Variants in SLC25A17 observed in about 807,000 individuals in gnomAD.
SLC25A17 encodes the protein solute carrier family 25 member 17.
Under a neutral mutation model 38.5 loss-of-function variants are expected in SLC25A17, and 26 were observed. The ratio of observed to expected loss-of-function variants is 0.68; its 90% CI spans 0.50 to 0.94. The LOEUF (loss-of-function observed/expected upper bound fraction) is 0.94. SLC25A17 is among the 40% of genes least tolerant of loss of function. The pLI is 0.00. For synonymous variants in SLC25A17, 139 were observed against 136.2 expected, an observed-to-expected ratio of 1.02 and a Z score of -0.14; for missense variants, 333 against 372.7, an observed-to-expected ratio of 0.89 and a Z score of 0.88.
At chr22:40,781,630 A>G (rs547683550) in intron 4 of SLC25A17, among the ~76,000 whole-genome samples, 6 of 152,318 alleles carry the variant, frequency 3.9e-5, no homozygotes, top group African/African-American at 1.2e-4. Flanking sequence ...TTGTAAGAAC[A>G]TTTGGTATTT....
intron 7 of SLC25A17, among the ~76,000 whole-genome samples, chr22:40,775,857 G>C (rs555310282): frequency 3.2e-4 from 49 of 152,288 alleles, no homozygotes; most frequent in South Asian, 2.1e-3. Flanking sequence ...CACCATGATT[G>C]TAAGTTTCCT....
chr22:40,785,256 C>T (rs1353101283), intron 4 of SLC25A17, among the ~76,000 whole-genome samples: 1 of 152,176 alleles, frequency 6.6e-6, no homozygotes, highest in African/African-American at 2.4e-5. Flanking sequence ...TGATGGCTTG[C>T]GCCTGTAGTC....
At chr22:40,784,653 A>G in intron 4 of SLC25A17, 1 of 173,258 alleles carries the variant, frequency 5.8e-6, no homozygotes, top group Non-Finnish European at 1.3e-5. Flanking sequence ...GCATCCCTGT[A>G]GTCCTAGCTA....
chr22:40,794,422 T>C (rs934762017), intron 3 of SLC25A17, 92 bp downstream of exon 3: 13 of 751,878 alleles, frequency 1.7e-5, no homozygotes, highest in Middle Eastern at 2.4e-4. Context: ...TAGAGTGCTG[T>C]GAGAAAGATA....
chr22:40,805,595 A>T (rs1311692692), intron 1 of SLC25A17, among the ~76,000 whole-genome samples: 2 of 152,210 alleles, frequency 1.3e-5, no homozygotes, highest in Admixed American at 6.5e-5. Flanking sequence ...GGCCACACAT[A>T]AAATATACTA....
In SLC25A17 at chr22:40,778,717, T is replaced by C. The variant is rs142926987; in HGVS notation, c.451+292A>G. ...AAAGCAATGGCAACAAAAGCCAAAA[T>C]AGACAAATGGGATCTAATTAAACTA... is the stretch of plus-strand genomic sequence containing the variant. On this transcript the variant is annotated intron_variant, in intron 5 of 8. Transcript: ENST00000435456. Among the ~76,000 whole-genome samples, 300 of 152,180 alleles carry C rather than the reference T, an allele frequency of 2.0e-3. 2 individuals carry two copies. In the Middle Eastern group the frequency reaches 0.034, roughly 17 times the overall value.
chr22:40,773,401 C>G (rs2057206108), intron 8 of SLC25A17, among the ~76,000 whole-genome samples: 1 of 122,386 alleles, frequency 8.2e-6, no homozygotes, highest in Non-Finnish European at 1.6e-5. Flanking sequence ...CAGAGCGAGA[C>G]TCTGTCTCCA....
chr22:40,819,318 A>G lies in SLC25A17; in HGVS notation c.-70T>C, dbSNP rs2057673437. 4.7e-6 allele frequency: 7 copies of G among 1,484,476 alleles called. No homozygotes were observed. Among genetic ancestry groups the G allele is most frequent in the Non-Finnish European group, 6.4e-6 (7 of 1,090,758 alleles). The allele number at this position is 1,484,476 out of a possible 1,614,324, so 92.0% of individuals were successfully genotyped here. ...CCGCAGCCAGTGGAGTTAGGAAAGG[A>G]GCACCGGAGCTCAGGGTGTGAGAGT... On this transcript the variant is annotated 5_prime_UTR_variant, in exon 1 of 9. Coordinates refer to ENST00000435456, the MANE Select transcript of SLC25A17 (RefSeq NM_006358.4).
intron 4 of SLC25A17, among the ~76,000 whole-genome samples, chr22:40,791,366 C>T (rs1032443206): frequency 4.6e-5 from 7 of 152,056 alleles, no homozygotes; most frequent in Non-Finnish European, 1.0e-4. Context: ...TAGGAGCCCA[C>T]CAATAGTAAC....
intron 4 of SLC25A17, among the ~76,000 whole-genome samples, chr22:40,781,276 C>T (rs1330223110): frequency 6.7e-6 from 1 of 149,774 alleles, no homozygotes; most frequent in Non-Finnish European, 1.5e-5. Context: ...GACGGAGTCT[C>T]GCTCTTTCGC....
At chr22:40,818,916 T>C (rs1017211228) in intron 1 of SLC25A17, among the ~76,000 whole-genome samples, 1 of 151,538 alleles carries the variant, frequency 6.6e-6, no homozygotes, top group Non-Finnish European at 1.5e-5. Context: ...ACCTTAAACT[T>C]CCCACGGCAA....
chr22:40,808,000 CT>C (rs1343599702), intron 1 of SLC25A17, among the ~76,000 whole-genome samples: 1 of 151,828 alleles, frequency 6.6e-6, no homozygotes, highest in Non-Finnish European at 1.5e-5. Flanking sequence ...TTTTTTTCCC[CT>C]GAGGACTGTC....
At chr22:40,797,458 A>C in intron 2 of SLC25A17, 2 of 454,178 alleles carry the variant, frequency 4.4e-6, no homozygotes, top group Non-Finnish European at 8.8e-6. Flanking sequence ...GTATGTTCCT[A>C]TTCTGCCTCT....
chr22:40,796,512 G>T (rs2057431262), intron 2 of SLC25A17, among the ~76,000 whole-genome samples: 1 of 151,750 alleles, frequency 6.6e-6, no homozygotes, highest in Non-Finnish European at 1.5e-5. Flanking sequence ...GGTGGCACAT[G>T]CCTGTAATCC....
chr22:40,782,000 T>A (rs2057299043), intron 4 of SLC25A17, among the ~76,000 whole-genome samples: 1 of 152,034 alleles, frequency 6.6e-6, no homozygotes, highest in Admixed American at 6.6e-5. Context: ...GGCGGGTGGA[T>A]CACAAGGTCA....
intron 1 of SLC25A17, among the ~76,000 whole-genome samples, chr22:40,814,426 T>C (rs539384692): frequency 6.6e-6 from 1 of 152,216 alleles, no homozygotes; most frequent in Non-Finnish European, 1.5e-5. Context: ...TGTTCAATGT[T>C]ACTTTGTTGC....
At chr22:40,787,976 G>A (rs1036547858) in intron 4 of SLC25A17, among the ~76,000 whole-genome samples, 1 of 152,114 alleles carries the variant, frequency 6.6e-6, no homozygotes, top group African/African-American at 2.4e-5. Flanking sequence ...GATTGGTCTT[G>A]AACTCCGGAG....
intron 1 of SLC25A17, among the ~76,000 whole-genome samples, chr22:40,816,599 AT>A (rs1359153957): frequency 7.2e-6 from 1 of 138,586 alleles, no homozygotes; most frequent in Non-Finnish European, 1.5e-5. Flanking sequence ...TTATTCATTT[AT>A]TTTTTATTGT....
chr22:40,776,936 T>C (rs956162992), intron 7 of SLC25A17, 104 bp downstream of exon 7: 2 of 942,206 alleles, frequency 2.1e-6, no homozygotes, highest in Non-Finnish European at 3.3e-6. Flanking sequence ...TATTCTGGTA[T>C]ACCAACTAAC....
Sources: allele counts gnomAD v4.1 joint callset (sites outside exome capture counted in the v4.1 genomes callset), GRCh38; gene constraint gnomAD v4.1.1; transcripts MANE v1.5; gene names NCBI Gene and HGNC (gene_info 2026-07-23, HGNC 2026-07-21).